The following HPSE2 variants were observed in gnomAD, a reference collection of about 807,000 sequenced individuals.
The protein encoded by HPSE2 is heparanase 2 (inactive), also known as inactive heparanase-2.
In HPSE2, 38 loss-of-function variants were observed where a neutral mutation model predicts 60.5. The ratio of observed to expected loss-of-function variants is 0.63; its 90% CI spans 0.48 to 0.82. The LOEUF is 0.82. Among genes scored for constraint, HPSE2 ranks in the 40% least tolerant of loss-of-function variants. The pLI, the probability that HPSE2 is intolerant of heterozygous loss-of-function variation, is 0.00. For missense variants in HPSE2, 713 were observed against 740.4 expected (o/e 0.96, Z 0.43); for synonymous variants, 295 against 293.2 (o/e 1.01, Z -0.06).
At chr10:99,281,248 T>G in the HPSE2 span, among the ~76,000 whole-genome samples, 1 of 148,482 alleles carries the variant, frequency 6.7e-6, no homozygotes, top group Non-Finnish European at 1.5e-5. Context: ...AGTGCCTATA[T>G]TAATATATAA....
intron 3 of HPSE2, among the ~76,000 whole-genome samples, chr10:98,994,940 C>T (rs1461143657): frequency 6.6e-6 from 1 of 152,192 alleles, no homozygotes; most frequent in Non-Finnish European, 1.5e-5. Flanking sequence ...CAAAACAGCA[C>T]CTTTGGGCCA....
chr10:98,744,759 C>T (rs11598627), intron 3 of HPSE2, among the ~76,000 whole-genome samples: 21,584 of 152,096 alleles, frequency 0.14, 1,915 homozygotes, highest in Admixed American at 0.23. Flanking sequence ...TCCTACAGGA[C>T]ATAAGATGAA....
At chr10:98,747,497 C>T (rs923828324) in intron 3 of HPSE2, among the ~76,000 whole-genome samples, 1 of 152,016 alleles carries the variant, frequency 6.6e-6, no homozygotes, top group Non-Finnish European at 1.5e-5. Context: ...TAAGGCAAGG[C>T]AAAATGTATT....
At chr10:98,901,012 T>C (rs1590043107) in intron 3 of HPSE2, among the ~76,000 whole-genome samples, 1 of 152,216 alleles carries the variant, frequency 6.6e-6, no homozygotes, top group East Asian at 1.9e-4. Flanking sequence ...AGTAGAATAC[T>C]ACTCAGCAGT....
At chr10:98,960,735 ATT>A (rs1192601127) in intron 3 of HPSE2, among the ~76,000 whole-genome samples, 1 of 48,382 alleles carries the variant, frequency 2.1e-5, no homozygotes, top group East Asian at 7.0e-4. Flanking sequence ...TATTTTTTTT[ATT>A]TTATTTTTTT....
the HPSE2 span, among the ~76,000 whole-genome samples, chr10:99,247,098 T>G: frequency 6.6e-6 from 1 of 152,210 alleles, no homozygotes; most frequent in Admixed American, 6.5e-5. Flanking sequence ...TTTCATGTCA[T>G]TTAAGAAAAT....
In HPSE2 at chr10:99,109,485, G is replaced by A. The variant is rs1018886120; in HGVS notation, c.610+34753C>T. Reference sequence around the variant, plus strand: ...AAGAGTCATTCCCAACTAGCACAGGGTGGAATAGATTATTTCGCAGCTGAA... The same window carrying A: ...AAGAGTCATTCCCAACTAGCACAGGATGGAATAGATTATTTCGCAGCTGAA... On this transcript the variant is annotated intron_variant, in intron 3 of 11. Transcript: ENST00000370552. Among the ~76,000 whole-genome samples, 4 of 152,096 alleles carry A rather than the reference G, an allele frequency of 2.6e-5. No individual in the cohort carries two copies. The South Asian group carries it at 8.3e-4, about 32-fold the overall frequency.
chr10:98,650,503 TAA>T (rs1261783800), intron 6 of HPSE2, among the ~76,000 whole-genome samples: 1 of 152,226 alleles, frequency 6.6e-6, no homozygotes, highest in African/African-American at 2.4e-5. Flanking sequence ...GTATGAAAAT[TAA>T]AAAGATTAGC....
chr10:98,522,320 G>C (rs182732039), intron 9 of HPSE2, among the ~76,000 whole-genome samples: 296 of 151,856 alleles, frequency 1.9e-3, no homozygotes, highest in African/African-American at 6.5e-3. Flanking sequence ...GAGAGATAGA[G>C]AATCTTTGTT....
chr10:98,723,198 C>T (rs1258814986), intron 4 of HPSE2, among the ~76,000 whole-genome samples: 2 of 152,080 alleles, frequency 1.3e-5, no homozygotes, highest in African/African-American at 2.4e-5. Context: ...TGTCAAAGGC[C>T]TTTTCTGCAT....
At chr10:98,831,392 C>G (rs937765997) in intron 3 of HPSE2, among the ~76,000 whole-genome samples, 1 of 152,136 alleles carries the variant, frequency 6.6e-6, no homozygotes, top group Non-Finnish European at 1.5e-5. Flanking sequence ...CTATGCTGTA[C>G]TACGAATCAA....
chr10:99,040,710 G>C (rs1043595627), intron 3 of HPSE2, among the ~76,000 whole-genome samples: 2 of 152,036 alleles, frequency 1.3e-5, no homozygotes, highest in Non-Finnish European at 2.9e-5. Context: ...AGTTACAAAA[G>C]GAACTCTATT....
chr10:99,047,262 T>A (rs1156853454), intron 3 of HPSE2, among the ~76,000 whole-genome samples: 2 of 152,178 alleles, frequency 1.3e-5, no homozygotes, highest in African/African-American at 4.8e-5. Context: ...GATAACTGGC[T>A]ATCCATATGC....
At chr10:98,473,484 CAAAAAAAA>C (rs752065277) in intron 11 of HPSE2, among the ~76,000 whole-genome samples, 21 of 44,286 alleles carry the variant, frequency 4.7e-4, no homozygotes, top group African/African-American at 2.1e-3. Context: ...GACTCTGTCT[CAAAAAAAA>C]AAAAAAAAAA....
chr10:98,734,888 T>TACAC (rs140139802), intron 4 of HPSE2, among the ~76,000 whole-genome samples: 1,578 of 147,910 alleles, frequency 0.011, 16 homozygotes, highest in East Asian at 0.021. Context: ...ATTTGTCCCT[T>TACAC]ACACACACAC....
chr10:99,226,173 CTT>C (rs1038947037), intron 2 of HPSE2, among the ~76,000 whole-genome samples: 2 of 151,982 alleles, frequency 1.3e-5, no homozygotes, highest in African/African-American at 2.4e-5. Flanking sequence ...TGCTCTCTCT[CTT>C]GAGTTGCATA....
intron 2 of HPSE2, among the ~76,000 whole-genome samples, chr10:99,180,889 CAAAAAAAAA>C (rs68033581): frequency 6.7e-5 from 2 of 29,694 alleles, no homozygotes; most frequent in Non-Finnish European, 1.0e-4. Context: ...GACTCCATCT[CAAAAAAAAA>C]AAAAAAAAAA....
chr10:99,177,293 G>C (rs1352592563), intron 2 of HPSE2, among the ~76,000 whole-genome samples: 1 of 151,980 alleles, frequency 6.6e-6, no homozygotes, highest in Admixed American at 6.6e-5. Flanking sequence ...AAATGTAAAT[G>C]AGCTGAATAC....
chr10:98,820,834 C>G (rs1166718374), intron 3 of HPSE2, among the ~76,000 whole-genome samples: 1 of 152,186 alleles, frequency 6.6e-6, no homozygotes, highest in Non-Finnish European at 1.5e-5. Context: ...ACGAACTCTA[C>G]TCTCACTGTC....
Sources: allele counts gnomAD v4.1 joint callset (sites outside exome capture counted in the v4.1 genomes callset), GRCh38; gene constraint gnomAD v4.1.1; transcripts MANE v1.5; gene names NCBI Gene and HGNC (gene_info 2026-07-23, HGNC 2026-07-21).